STAB2: variants seen among roughly 807,000 people sequenced by gnomAD.
STAB2 encodes the protein stabilin 2.
Under a neutral mutation model 338.1 loss-of-function variants are expected in STAB2, and 288 were observed. That is an observed-to-expected ratio of 0.85 (90% CI 0.77 to 0.94). The LOEUF is 0.94. Ranked by LOEUF, STAB2 falls within the 40% of genes least tolerant of loss-of-function variation. The pLI is 0.00. For synonymous variants in STAB2, 1,202 were observed against 1,193.3 expected, an observed-to-expected ratio of 1.01 and a Z score of -0.15; for missense variants, 3,141 against 3,210.1, an observed-to-expected ratio of 0.98 and a Z score of 0.52.
At chr12:103,733,345 C>T (rs751366619) in intron 51 of STAB2, among the ~76,000 whole-genome samples, 163 bp downstream of exon 51, 12 of 152,112 alleles carry the variant, frequency 7.9e-5, no homozygotes, top group Non-Finnish European at 1.2e-4. Context: ...TCTGACTGGC[C>T]GTGGTTGATT....
In STAB2 at chr12:103,756,996, AATATATAT is replaced by A. The variant is rs869105400; in HGVS notation, c.6988-1146_6988-1139del. Among the ~76,000 whole-genome samples the A allele has an allele frequency of 3.7e-3, 211 of 56,354 alleles. 3 individuals carry two copies. Among genetic ancestry groups the A allele is most frequent in the Admixed American group, 5.2e-3 (30 of 5,738 alleles). The allele number at this position is 56,354 out of a possible 152,430, so 37.0% of individuals were successfully genotyped here. On this transcript the variant is annotated intron_variant, in intron 63 of 68. Transcript: ENST00000388887. The stretch of plus-strand genomic sequence containing the variant: ...GCCTCAGTAGCCCAGAAGGAGGGAA[AATATATAT>A]ATATATATATATATATATATATATA...
chr12:103,746,728 G>A (rs1339458795), intron 58 of STAB2, 24 bp downstream of exon 58: 1 of 1,609,586 alleles, frequency 6.2e-7, no homozygotes. Context: ...GTGCACAGGT[G>A]AAATAGCAGC....
chr12:103,748,954 C>A lies in STAB2; in HGVS notation c.6245-9C>A. ...GGTAAGTTGAGCCCTCTCTCCTCTG[C>A]TCTTGCAGTTGTGGATTTCTGCAAA... On this transcript the variant is annotated splice_polypyrimidine_tract_variant and intron_variant, in intron 58 of 68. Transcript: ENST00000388887. 1 of 1,611,000 alleles carries A rather than the reference C, an allele frequency of 6.2e-7. No individual in the cohort carries two copies. Among genetic ancestry groups the A allele is most frequent in the Non-Finnish European group, 8.5e-7 (1 of 1,178,182 alleles).
rs183754882 is a variant in STAB2, at chr12:103,648,567, C to T, written c.1041-123C>T. 1.3e-3 allele frequency: 1,758 copies of T among 1,326,706 alleles called. 19 individuals are homozygous for T. Among genetic ancestry groups the T allele is most frequent in the Non-Finnish European group, 3.0e-4 (293 of 972,754 alleles). 82.2% of individuals were successfully genotyped at this position (1,326,706 alleles called of 1,614,324 possible). A position where few individuals can be genotyped will look rare whatever the true frequency, so the allele number is the denominator to read the frequency against. ...TGTCAGATACCACACTAGGAATGCT[C>T]TCTTGTCCCTATTCAACCCTGGGCA... On this transcript the variant is annotated intron_variant, in intron 9 of 68. Coordinates refer to ENST00000388887, the MANE Select transcript of STAB2 (RefSeq NM_017564.10).
intron 9 of STAB2, among the ~76,000 whole-genome samples, chr12:103,642,194 G>T (rs780936974): frequency 1.3e-5 from 2 of 152,140 alleles, no homozygotes; most frequent in African/African-American, 4.8e-5. Flanking sequence ...GCTTTTAAAC[G>T]CTAAGCTCCA....
Position 103,742,650 on chromosome 12 carries a change from T to A in STAB2, c.6031+96T>A, listed in dbSNP as rs763855687. 4.8e-4 allele frequency: 746 copies of A among 1,564,834 alleles called. 1 individual carries two copies. The highest frequency in any genetic ancestry group is 5.6e-4 in the Non-Finnish European group (645 of 1,151,292). ...TCTGCCTGACCTGGAGGCATCCTTTTGTCCTTTCTCTCAGCCACACCCCTC... is the reference window on the plus strand; with the variant it reads ...TCTGCCTGACCTGGAGGCATCCTTTAGTCCTTTCTCTCAGCCACACCCCTC... On this transcript the variant is annotated intron_variant, in intron 56 of 68. Coordinates refer to ENST00000388887, the MANE Select transcript of STAB2 (RefSeq NM_017564.10).
chr12:103,705,318 C>T (rs2374245), intron 36 of STAB2, among the ~76,000 whole-genome samples: 1,883 of 152,306 alleles, frequency 0.012, 17 homozygotes, highest in Non-Finnish European at 0.019. Flanking sequence ...AGTCAATGTA[C>T]GGTGCTGGAA....
chr12:103,761,358 A>G lies in STAB2; in HGVS notation c.7307A>G (p.Asn2436Ser), dbSNP rs779083547. 6 of 1,613,888 alleles carry G rather than the reference A, an allele frequency of 3.7e-6. No homozygotes were observed. The highest frequency in any genetic ancestry group is 2.2e-5 in the East Asian group (1 of 44,896). Residue 2436 changes from asparagine to serine, a missense_variant, in exon 66 of 69, where the codon AAT becomes AGT. Asn to Ser is a conservative substitution (Grantham distance 46). Transcript: ENST00000388887. ...CTGCAGTGGGACATCTTTGCCTCCAATGGGATCATTCATGTCATTTCCAGG... is the reference window on the plus strand; with the variant it reads ...CTGCAGTGGGACATCTTTGCCTCCAGTGGGATCATTCATGTCATTTCCAGG... The part of the protein sequence containing the change: ...AILQWDIFAS[N>S]GIIHVISRPL...
intron 54 of STAB2, 62 bp from the exon 55 acceptor site, chr12:103,740,568 G>C: frequency 1.9e-6 from 3 of 1,570,978 alleles, no homozygotes; most frequent in Non-Finnish European, 2.6e-6. Context: ...GCACAGACTA[G>C]AGCCCCAGAG....
intron 51 of STAB2, among the ~76,000 whole-genome samples, chr12:103,734,289 G>A (rs1438018965): frequency 1.3e-5 from 2 of 150,496 alleles, no homozygotes; most frequent in Non-Finnish European, 2.9e-5. Context: ...ATAGGAGCAA[G>A]CACGATCATA....
Position 103,660,717 on chromosome 12 carries a change from T to G in STAB2, c.1823T>G (p.Ile608Ser). The G allele has an allele frequency of 6.2e-7, 1 of 1,614,080 alleles. No individual in the cohort carries two copies. Residue 608 changes from isoleucine to serine, a missense_variant, in exon 17 of 69, where the codon ATC becomes AGC. Ile to Ser is a moderately radical substitution (Grantham distance 142). Coordinates refer to ENST00000388887, the MANE Select transcript of STAB2 (RefSeq NM_017564.10). ...EVATLISTPH[I>S]RSMANQLIQF... Reference sequence around the variant, plus strand: ...GCCACTCTCATCTCCACCCCTCACATCAGGAGCATGGCCAACCAGCTCATA... The same window carrying G: ...GCCACTCTCATCTCCACCCCTCACAGCAGGAGCATGGCCAACCAGCTCATA...
Position 103,750,579 on chromosome 12 carries a change from G to A in STAB2, c.6439G>A (p.Gly2147Ser). 1 of 1,614,086 alleles carries A rather than the reference G, an allele frequency of 6.2e-7. No individual in the cohort carries two copies. Among genetic ancestry groups the A allele is most frequent in the Non-Finnish European group, 8.5e-7 (1 of 1,179,964 alleles). ...ATCTCTTCCCACTCTCCCTCCACAG[G>A]GCAAGCACAAGTGTGAGTGTAAAAG... ...EHATCKMTGP[G>S]KHKCECKSHY... is the part of the protein sequence containing the mutation. Residue 2147 changes from glycine to serine, a missense_variant and splice_region_variant, in exon 60 of 69, where the codon GGC becomes AGC. Transcript: ENST00000388887.
At chr12:103,602,303 T>C (rs1447306401) in intron 3 of STAB2, among the ~76,000 whole-genome samples, 10 of 152,256 alleles carry the variant, frequency 6.6e-5, no homozygotes. Flanking sequence ...CAGTAGTTTC[T>C]TTCCTTTATA....
Position 103,759,141 on chromosome 12 carries a change from T to C in STAB2, c.7116T>C (p.Ser2372=), listed in dbSNP as rs1277419601. The stretch of plus-strand genomic sequence containing the variant: ...TTCTCCTTTTTTCTCAGACCTTGTC[T>C]GGGCGGGACATCGAGCACCACCTCG... ...NSGLGENETL[S]GRDIEHHLAN... The change falls in exon 65 of 69, where the codon TCT becomes TCC. Residue 2372 remains serine (S), a synonymous_variant. Coordinates refer to ENST00000388887, the MANE Select transcript of STAB2 (RefSeq NM_017564.10). 1 of 1,614,200 alleles carries C rather than the reference T, an allele frequency of 6.2e-7. No homozygotes were observed. Among genetic ancestry groups the C allele is most frequent in the Non-Finnish European group, 8.5e-7 (1 of 1,180,030 alleles).
intron 10 of STAB2, 90 bp downstream of exon 10, chr12:103,648,913 G>A (rs1233484690): frequency 1.3e-5 from 20 of 1,530,728 alleles, no homozygotes; most frequent in Admixed American, 8.0e-5. Flanking sequence ...AGGGACAGGC[G>A]AGCCTTGTCT....
rs111616456 is a variant in STAB2, at chr12:103,696,290, G to A, written c.3582+446G>A. On this transcript the variant is annotated intron_variant, in intron 33 of 68. Transcript: ENST00000388887. ...GTGGGCTCAGGGGTGGCTTCTCGGG[G>A]CTTTCAGTGCCACCCCCATCTTATT... Among the ~76,000 whole-genome samples, 1,131 of 152,210 alleles carry A rather than the reference G, an allele frequency of 7.4e-3. 5 individuals are homozygous for A. Among genetic ancestry groups the A allele is most frequent in the African/African-American group, 0.026 (1,068 of 41,522 alleles).
chr12:103,707,233 T>G (rs1476577867), intron 38 of STAB2, among the ~76,000 whole-genome samples: 2 of 152,370 alleles, frequency 1.3e-5, no homozygotes, highest in South Asian at 4.1e-4. Flanking sequence ...TCATTGACAT[T>G]CCCAGCCCAA....
At chr12:103,658,800 T>C (rs1157961078) in intron 15 of STAB2, among the ~76,000 whole-genome samples, 1 of 152,146 alleles carries the variant, frequency 6.6e-6, no homozygotes, top group African/African-American at 2.4e-5. Flanking sequence ...GGGGACATGG[T>C]GATGGGTGGT....
intron 2 of STAB2, among the ~76,000 whole-genome samples, chr12:103,593,572 A>C (rs1048925065): frequency 6.6e-6 from 1 of 152,212 alleles, no homozygotes; most frequent in African/African-American, 2.4e-5. Context: ...CATTCAAAAA[A>C]AGTCAACTCT....
Sources: gnomAD v4.1 joint callset for allele counts (sites outside exome capture counted in the v4.1 genomes callset) on GRCh38, gnomAD v4.1.1 for gene constraint, MANE v1.5 for transcripts, NCBI Gene and HGNC (gene_info 2026-07-23, HGNC 2026-07-21) for gene names.